Variants in BEND6 observed in about 807,000 individuals in gnomAD.
BEND6 encodes BEN domain-containing protein 6.
BEND6 carries 24 observed loss-of-function variants against 31.8 expected under a neutral mutation model. That is an observed-to-expected ratio of 0.75 (90% confidence interval 0.55 to 1.06). The LOEUF (loss-of-function observed/expected upper bound fraction) is 1.06. BEND6 is among the 50% of genes least tolerant of loss of function. The pLI is 0.00. For synonymous variants in BEND6, 109 were observed against 114.6 expected (o/e 0.95, Z 0.31); for missense variants, 294 against 327.4 (o/e 0.90, Z 0.79).
chr6:56,968,165 A>G (rs921056282), intron 1 of BEND6, among the ~76,000 whole-genome samples: 3 of 152,192 alleles, frequency 2.0e-5, no homozygotes, highest in Non-Finnish European at 4.4e-5. Context: ...TATTCATTCA[A>G]TTAGCTTCAG....
At chr6:56,969,725 G>A (rs1825622974) in intron 1 of BEND6, among the ~76,000 whole-genome samples, 1 of 151,396 alleles carries the variant, frequency 6.6e-6, no homozygotes, top group Non-Finnish European at 1.5e-5. Flanking sequence ...CTTAGGTTTG[G>A]TGACTTTGTT....
At chr6:56,975,302 G>A (rs891961103) in intron 1 of BEND6, among the ~76,000 whole-genome samples, 1 of 151,778 alleles carries the variant, frequency 6.6e-6, no homozygotes, top group African/African-American at 2.4e-5. Flanking sequence ...CAATATTATA[G>A]TTGTAGATAT....
rs778228205 is a variant in BEND6 at position 56,992,564 on chromosome 6, T to C, written c.298+9T>C. On this transcript the variant is annotated intron_variant, in intron 3 of 6. Coordinates refer to ENST00000370746, the MANE Select transcript of BEND6 (RefSeq NM_152731.3). ...TTTGGTCATGCTTCAAGGTAAACTT[T>C]GAGAAAATTGACATTTTAGATAAAA... 1.3e-6 allele frequency: 2 copies of C among 1,599,464 alleles called. No homozygotes were observed. The highest frequency in any genetic ancestry group is 2.3e-5 in the South Asian group (2 of 88,210).
intron 6 of BEND6, among the ~76,000 whole-genome samples, chr6:57,020,080 C>T (rs529751789): frequency 3.7e-4 from 57 of 152,160 alleles, no homozygotes; most frequent in South Asian, 8.3e-4. Context: ...CAGAGTGAGA[C>T]CTTGTTTCCA....
rs745471190 is a variant in BEND6 at position 57,017,416 on chromosome 6, G to A, written c.712+17G>A. On this transcript the variant is annotated intron_variant, in intron 5 of 6. Transcript: ENST00000370746. ...AAATCATAGGTGATAATATGATTGC[G>A]TTATATTGTCGTATGAATTTTAAAT... The A allele has an allele frequency of 1.3e-5, 17 of 1,311,996 alleles. No individual in the cohort carries two copies. Among genetic ancestry groups the A allele is most frequent in the Admixed American group, 6.0e-5 (2 of 33,180 alleles). 81.3% of individuals were successfully genotyped at this position (1,311,996 alleles called of 1,614,324 possible). A position where few individuals can be genotyped will look rare whatever the true frequency, so the allele number is the denominator to read the frequency against.
intron 3 of BEND6, chr6:57,014,540 G>A: frequency 2.0e-6 from 3 of 1,487,386 alleles, no homozygotes; most frequent in Non-Finnish European, 2.7e-6. Flanking sequence ...GTTTCCATTT[G>A]AAAAAAGGAA....
intron 1 of BEND6, among the ~76,000 whole-genome samples, chr6:56,965,669 A>C (rs554190830): frequency 0.016 from 2,028 of 126,212 alleles, 50 homozygotes; most frequent in African/African-American, 0.059. Context: ...CACACACACA[A>C]AAAAATTTAT....
intron 1 of BEND6, among the ~76,000 whole-genome samples, chr6:56,967,107 A>C (rs1256584903): frequency 6.6e-6 from 1 of 152,150 alleles, no homozygotes; most frequent in African/African-American, 2.4e-5. Flanking sequence ...TGGCAACGGA[A>C]GGAATCTATC....
At chr6:57,007,410 G>A (rs1827197263) in intron 3 of BEND6, among the ~76,000 whole-genome samples, 1 of 148,452 alleles carries the variant, frequency 6.7e-6, no homozygotes, top group African/African-American at 2.4e-5. Flanking sequence ...CTAAATTTAA[G>A]ACCCCAAACA....
intron 6 of BEND6, among the ~76,000 whole-genome samples, chr6:57,020,156 T>G (rs547740782): frequency 6.6e-6 from 1 of 152,206 alleles, no homozygotes; most frequent in Non-Finnish European, 1.5e-5. Flanking sequence ...TAAATTTCAG[T>G]AGATTGTGAC....
intron 6 of BEND6, among the ~76,000 whole-genome samples, chr6:57,025,063 T>G (rs1283181987): frequency 1.3e-5 from 2 of 152,252 alleles, no homozygotes; most frequent in Non-Finnish European, 2.9e-5. Context: ...GTTTGATTTT[T>G]TAAATTATTC....
rs557590808 is a variant in BEND6, at chr6:56,975,416, TTGTCTCTTTGATATTA to T, written c.-100-6294_-100-6279del. Reference sequence around the variant, plus strand: ...AGGGAAAAAAAATACTGTGATAAACTTGTCTCTTTGATATTAAGAAGAAATTCTAGTCCACACTCCA... The same window carrying T: ...AGGGAAAAAAAATACTGTGATAAACTAGAAGAAATTCTAGTCCACACTCCA... On this transcript the variant is annotated intron_variant, in intron 1 of 6. Coordinates refer to ENST00000370746, the MANE Select transcript of BEND6 (RefSeq NM_152731.3). Among the ~76,000 whole-genome samples the T allele has an allele frequency of 2.6e-4, 40 of 152,340 alleles. 1 individual carries two copies. Among genetic ancestry groups the T allele is most frequent in the Admixed American group, 4.6e-4 (7 of 15,308 alleles).
chr6:56,983,458 C>T (rs1826139604), intron 2 of BEND6, among the ~76,000 whole-genome samples: 2 of 152,152 alleles, frequency 1.3e-5, no homozygotes, highest in African/African-American at 4.8e-5. Context: ...CTCATTTTCT[C>T]TCCTCTAAGC....
At chr6:56,961,563 T>C (rs898161728) in intron 1 of BEND6, among the ~76,000 whole-genome samples, 2 of 152,194 alleles carry the variant, frequency 1.3e-5, no homozygotes, top group African/African-American at 4.8e-5. Flanking sequence ...TTCATGCCAA[T>C]TAACTACCCA....
At chr6:56,961,915 G>A (rs114515736) in intron 1 of BEND6, among the ~76,000 whole-genome samples, 1,576 of 152,234 alleles carry the variant, frequency 0.01, 27 homozygotes, top group African/African-American at 0.035. Context: ...TGTTTCTAGC[G>A]TCCCACCAGG....
chr6:57,008,005 G>T (rs1827220780), intron 3 of BEND6, among the ~76,000 whole-genome samples: 1 of 152,184 alleles, frequency 6.6e-6, no homozygotes, highest in Non-Finnish European at 1.5e-5. Context: ...ATAGGTTGGG[G>T]TTATGTGCCT....
intron 1 of BEND6, among the ~76,000 whole-genome samples, chr6:56,975,394 GA>G (rs961601135): frequency 8.6e-5 from 13 of 151,910 alleles, no homozygotes; most frequent in African/African-American, 2.2e-4. Flanking sequence ...GGTCAGCAGG[GA>G]AAAAAAATAC....
intron 2 of BEND6, among the ~76,000 whole-genome samples, chr6:56,988,156 ACAGGTGCATGC>A (rs1027344468): frequency 2.6e-5 from 4 of 151,696 alleles, no homozygotes; most frequent in African/African-American, 9.7e-5. Context: ...AGCTGGGACT[ACAGGTGCATGC>A]CATCAGGCCC....
intron 6 of BEND6, among the ~76,000 whole-genome samples, chr6:57,024,836 T>G (rs1827854619): frequency 6.6e-6 from 1 of 152,258 alleles, no homozygotes; most frequent in African/African-American, 2.4e-5. Context: ...TGAATAATAA[T>G]AAGTCTTCGA....
Sources: allele counts gnomAD v4.1 joint callset (sites outside exome capture counted in the v4.1 genomes callset), GRCh38; gene constraint gnomAD v4.1.1; transcripts MANE v1.5; gene names NCBI Gene and HGNC (gene_info 2026-07-23, HGNC 2026-07-21).